The following LHFPL2 variants were observed in gnomAD, a reference collection of about 807,000 sequenced individuals.
The protein encoded by LHFPL2 is LHFPL tetraspan subfamily member 2 protein.
In LHFPL2, 7 loss-of-function variants were observed where a neutral mutation model predicts 17.5. That is an observed-to-expected ratio of 0.40 (90% CI 0.23 to 0.75). The LOEUF is 0.75. Ranked by LOEUF, LHFPL2 falls within the 30% of genes least tolerant of loss-of-function variation. LHFPL2 has a pLI of 0.37. For synonymous variants in LHFPL2, 134 were observed against 116.2 expected, an observed-to-expected ratio of 1.15 and a Z score of -0.99; for missense variants, 241 against 294.8, an observed-to-expected ratio of 0.82 and a Z score of 1.34.
intron 3 of LHFPL2, among the ~76,000 whole-genome samples, chr5:78,564,430 C>T (rs1323538639): frequency 2.0e-5 from 3 of 152,076 alleles, no homozygotes; most frequent in Non-Finnish European, 4.4e-5. Flanking sequence ...TATTTTTAAT[C>T]GGCTATCTCT....
chr5:78,526,984 T>C (rs551707618), intron 3 of LHFPL2, among the ~76,000 whole-genome samples: 9 of 152,318 alleles, frequency 5.9e-5, no homozygotes, highest in South Asian at 4.1e-4. Context: ...GGTTAGAAAT[T>C]TGAATAACAG....
At chr5:78,566,853 C>A (rs1479420883) in intron 2 of LHFPL2, among the ~76,000 whole-genome samples, 1 of 152,202 alleles carries the variant, frequency 6.6e-6, no homozygotes, top group Admixed American at 6.5e-5. Context: ...TAGGGGAAGT[C>A]ATGATCAGTA....
rs1755017498 is a variant in LHFPL2, at chr5:78,508,912, TTTTG to T, written c.430+868_430+871del. Among the ~76,000 whole-genome samples, 6 of 152,382 alleles carry T rather than the reference TTTTG, an allele frequency of 3.9e-5. No homozygotes were observed. In the South Asian group the frequency reaches 1.2e-3, roughly 32 times the overall value. On this transcript the variant is annotated intron_variant, in intron 4 of 4. Transcript: ENST00000380345. The stretch of plus-strand genomic sequence containing the variant: ...GATGTATTCAAACTCAGCCATGTGT[TTTTG>T]TGTGTGAATTTCTGTCACCCAGAAC...
At chr5:78,566,285 CA>C (rs1434074607) in intron 2 of LHFPL2, among the ~76,000 whole-genome samples, 1 of 152,168 alleles carries the variant, frequency 6.6e-6, no homozygotes, top group Non-Finnish European at 1.5e-5. Context: ...AGTGTTAATC[CA>C]AAGTGTACCT....
chr5:78,523,343 G>T (rs1359036338), intron 3 of LHFPL2, among the ~76,000 whole-genome samples: 1 of 152,116 alleles, frequency 6.6e-6, no homozygotes, highest in Non-Finnish European at 1.5e-5. Context: ...GAACTAGAAT[G>T]ACCCTTAACT....
chr5:78,620,532 C>T (rs1441245152), intron 2 of LHFPL2, among the ~76,000 whole-genome samples: 1 of 152,180 alleles, frequency 6.6e-6, no homozygotes, highest in Non-Finnish European at 1.5e-5. Context: ...CACGCCAAGG[C>T]AATGGTTCTC....
chr5:78,636,657 A>G (rs935407992), intron 1 of LHFPL2, among the ~76,000 whole-genome samples: 1 of 152,216 alleles, frequency 6.6e-6, no homozygotes, highest in African/African-American at 2.4e-5. Context: ...CAGTGTCTGA[A>G]CCAAAGTAGG....
chr5:78,490,746 C>T (rs377632647), intron 4 of LHFPL2, among the ~76,000 whole-genome samples: 1 of 92,176 alleles, frequency 1.1e-5, no homozygotes, highest in Non-Finnish European at 2.0e-5. Context: ...GACTCCCTCT[C>T]AAAAAAAAAA....
At chr5:78,508,686 T>C (rs928291447) in intron 4 of LHFPL2, among the ~76,000 whole-genome samples, 1 of 152,222 alleles carries the variant, frequency 6.6e-6, no homozygotes, top group African/African-American at 2.4e-5. Context: ...GCCCTGGACA[T>C]ATGGCTCAAT....
intron 3 of LHFPL2, among the ~76,000 whole-genome samples, chr5:78,519,876 T>G (rs1755397836): frequency 6.6e-6 from 1 of 152,256 alleles, no homozygotes; most frequent in Non-Finnish European, 1.5e-5. Flanking sequence ...AATTAGCCTT[T>G]CCTTCAAATA....
chr5:78,538,897 C>T (rs1294854629), intron 3 of LHFPL2, among the ~76,000 whole-genome samples: 2 of 152,202 alleles, frequency 1.3e-5, no homozygotes, highest in Non-Finnish European at 2.9e-5. Context: ...CAACCACACA[C>T]CAGAAAGCAT....
chr5:78,539,488 A>C (rs1482674045), intron 3 of LHFPL2, among the ~76,000 whole-genome samples: 7 of 152,158 alleles, frequency 4.6e-5, no homozygotes, highest in African/African-American at 1.7e-4. Context: ...AAGATGGTAA[A>C]GTGCTTAGCA....
intron 2 of LHFPL2, among the ~76,000 whole-genome samples, chr5:78,581,926 A>G (rs866046641): frequency 6.6e-6 from 1 of 151,988 alleles, no homozygotes; most frequent in Non-Finnish European, 1.5e-5. Context: ...GTCCTGTACT[A>G]TTTTTGGTTG....
intron 3 of LHFPL2, among the ~76,000 whole-genome samples, chr5:78,511,276 C>T (rs148368939): frequency 1.3e-5 from 2 of 152,230 alleles, no homozygotes; most frequent in Non-Finnish European, 2.9e-5. Context: ...TGTGCCTCTG[C>T]CTAAGCTTCG....
intron 4 of LHFPL2, among the ~76,000 whole-genome samples, chr5:78,499,525 C>T (rs1373559762): frequency 3.3e-5 from 5 of 152,200 alleles, no homozygotes; most frequent in Non-Finnish European, 7.3e-5. Context: ...TGAGCCTTAT[C>T]CTAGACTGCT....
chr5:78,532,675 T>G (rs543139212), intron 3 of LHFPL2, among the ~76,000 whole-genome samples: 1 of 152,182 alleles, frequency 6.6e-6, no homozygotes, highest in East Asian at 1.9e-4. Context: ...TTTAAAAAAC[T>G]GAATAATAAA....
intron 4 of LHFPL2, among the ~76,000 whole-genome samples, chr5:78,493,095 A>T (rs1580740891): frequency 6.6e-6 from 1 of 152,214 alleles, no homozygotes; most frequent in Admixed American, 6.5e-5. Flanking sequence ...GCAAAAATAA[A>T]TTTTTTTAAA....
At chr5:78,512,833 C>T (rs971805895) in intron 3 of LHFPL2, among the ~76,000 whole-genome samples, 4 of 149,416 alleles carry the variant, frequency 2.7e-5, no homozygotes, top group Admixed American at 1.3e-4. Context: ...GGCATGATCT[C>T]GGCTCACTGC....
At chr5:78,518,874 T>A (rs112606210) in intron 3 of LHFPL2, among the ~76,000 whole-genome samples, 1 of 152,302 alleles carries the variant, frequency 6.6e-6, no homozygotes, top group South Asian at 2.1e-4. Flanking sequence ...TAAACAGAGA[T>A]AAAGTTCAGC....
Sources: gnomAD v4.1 joint callset for allele counts (sites outside exome capture counted in the v4.1 genomes callset) on GRCh38, gnomAD v4.1.1 for gene constraint, MANE v1.5 for transcripts, NCBI Gene and HGNC (gene_info 2026-07-23, HGNC 2026-07-21) for gene names.